The following CORO2B variants were observed in gnomAD, a reference collection of about 807,000 sequenced individuals.
The protein encoded by CORO2B is coronin 2B, also known as coronin-2B.
In CORO2B, 26 loss-of-function variants were observed where a neutral mutation model predicts 58.8. The observed-to-expected ratio is 0.44, with a 90% CI of 0.32 to 0.61. The LOEUF (loss-of-function observed/expected upper bound fraction) is 0.61, where lower values mean the gene tolerates loss of function less well. CORO2B is among the 20% of genes least tolerant of loss of function. CORO2B has a pLI of 0.04. For missense variants in CORO2B, 460 were observed against 645.1 expected (o/e 0.71, Z 3.11); for synonymous variants, 242 against 253.8 (o/e 0.95, Z 0.44).
intron 2 of CORO2B, among the ~76,000 whole-genome samples, chr15:68,693,220 G>A (rs1377772541): frequency 6.6e-6 from 1 of 152,068 alleles, no homozygotes; most frequent in Non-Finnish European, 1.5e-5. Flanking sequence ...TCCTGCCATG[G>A]CTCTGTTGCA....
intron 8 of CORO2B, among the ~76,000 whole-genome samples, chr15:68,716,167 C>G (rs1327000030): frequency 6.6e-6 from 1 of 152,246 alleles, no homozygotes; most frequent in Non-Finnish European, 1.5e-5. Flanking sequence ...ATCAACTTTA[C>G]TCTTCCCCAA....
intron 2 of CORO2B, among the ~76,000 whole-genome samples, chr15:68,684,487 TAC>T (rs2140304912): frequency 6.6e-6 from 1 of 152,362 alleles, no homozygotes; most frequent in African/African-American, 2.4e-5. Context: ...GTATGGCACG[TAC>T]ATATGTGTGT....
intron 1 of CORO2B, among the ~76,000 whole-genome samples, chr15:68,587,442 C>T (rs945966900): frequency 1.3e-5 from 2 of 152,138 alleles, no homozygotes; most frequent in African/African-American, 4.8e-5. Context: ...TATTTAACTC[C>T]GGAGATGTCT....
chr15:68,582,996 A>T (rs1899467352), intron 1 of CORO2B, among the ~76,000 whole-genome samples: 1 of 152,180 alleles, frequency 6.6e-6, no homozygotes, highest in African/African-American at 2.4e-5. Context: ...GTGGGAAAAG[A>T]GAAGACCTTT....
chr15:68,618,406 A>G (rs2140250024), intron 1 of CORO2B, among the ~76,000 whole-genome samples: 1 of 152,388 alleles, frequency 6.6e-6, no homozygotes. Flanking sequence ...GGAAAATCAC[A>G]GAAGGCTCCC....
chr15:68,599,328 C>A (rs1899916374), intron 1 of CORO2B, among the ~76,000 whole-genome samples: 1 of 152,220 alleles, frequency 6.6e-6, no homozygotes, highest in African/African-American at 2.4e-5. Context: ...AGCCCCATGC[C>A]CTGAGTGGGA....
chr15:68,655,955 C>T (rs138088647), intron 2 of CORO2B, among the ~76,000 whole-genome samples: 2 of 152,262 alleles, frequency 1.3e-5, no homozygotes, highest in East Asian at 3.9e-4. Context: ...TGGCTTGAAA[C>T]AGAGCATCTC....
At chr15:68,697,342 CTGTA>C (rs1892539421) in intron 3 of CORO2B, among the ~76,000 whole-genome samples, 1 of 152,120 alleles carries the variant, frequency 6.6e-6, no homozygotes, top group South Asian at 2.1e-4. Context: ...AAATAGATGA[CTGTA>C]TGACAGGTGG....
chr15:68,553,940 C>A, the CORO2B span, among the ~76,000 whole-genome samples: 1 of 152,210 alleles, frequency 6.6e-6, no homozygotes, highest in Non-Finnish European at 1.5e-5. Flanking sequence ...CTGAACCAAT[C>A]TAACTGCAAT....
chr15:68,718,888 G>A (rs1448003732), intron 9 of CORO2B, 78 bp downstream of exon 9: 1 of 1,271,898 alleles, frequency 7.9e-7, no homozygotes. Flanking sequence ...CATGACCCTG[G>A]AGAAACCCAG....
At chr15:68,576,428 C>T (rs1331777364), upstream of CORO2B, among the ~76,000 whole-genome samples, 2 of 152,172 alleles carry the variant, frequency 1.3e-5, no homozygotes, top group Non-Finnish European at 2.9e-5. Flanking sequence ...TTGGCTCAAG[C>T]TGCTATTAAG....
chr15:68,553,217 C>A, the CORO2B span, among the ~76,000 whole-genome samples: 2 of 152,220 alleles, frequency 1.3e-5, no homozygotes, highest in African/African-American at 4.8e-5. Flanking sequence ...CTGAATGATG[C>A]TCTCAGCAAA....
Position 68,715,264 on chromosome 15 carries a change from T to C in CORO2B, c.920T>C (p.Leu307Pro). 1 of 1,614,032 alleles carries C rather than the reference T, an allele frequency of 6.2e-7. No homozygotes were observed. The highest frequency in any genetic ancestry group is 8.5e-7 in the Non-Finnish European group (1 of 1,179,986). ...GAGATCAGCACTGAGAAGCCCTACC[T>C]GAGTTACCTCATGGAGTTCCGCTCC... Reference protein sequence around the residue: ...YYEISTEKPYLSYLMEFRSPA... With the variant: ...YYEISTEKPYPSYLMEFRSPA... The change falls in exon 8 of 12, where the codon CTG becomes CCG. Residue 307 changes from leucine (L) to proline (P), a missense_variant. Around this residue, in one of 2 missense-constraint regions of CORO2B, gnomAD observed 352 missense variants for 543.0 expected, o/e 0.65. Transcript: ENST00000261861.
chr15:68,719,465 AT>A lies in CORO2B; in HGVS notation c.1227del (p.Phe409LeufsTer16). 3 of 1,614,196 alleles carry A rather than the reference AT, an allele frequency of 1.9e-6. No homozygotes were observed. The highest frequency in any genetic ancestry group is 2.5e-6 in the Non-Finnish European group (3 of 1,180,012). ...EGYKKSSKMVFKAPIKEKKSV... is the reference protein window; with the variant it reads ...EGYKKSSKMVXKAPIKEKKSV... Reference sequence around the variant, plus strand: ...GCTATAAGAAGTCCTCAAAAATGGTATTTAAGGCTCCCATCAAAGAAAAGAA... The same window carrying A: ...GCTATAAGAAGTCCTCAAAAATGGTATTAAGGCTCCCATCAAAGAAAAGAA... On this transcript the variant is annotated frameshift_variant, in exon 11 of 12. Transcript: ENST00000261861. LOFTEE classifies it high-confidence loss of function.
the CORO2B span, among the ~76,000 whole-genome samples, chr15:68,539,814 A>T: frequency 6.6e-6 from 1 of 152,262 alleles, no homozygotes; most frequent in Non-Finnish European, 1.5e-5. Context: ...AACAAACAAA[A>T]GTAATAGAAT....
chr15:68,604,243 AG>A (rs2140241115), intron 1 of CORO2B, among the ~76,000 whole-genome samples: 1 of 152,154 alleles, frequency 6.6e-6, no homozygotes, highest in East Asian at 1.9e-4. Flanking sequence ...CATTGCTCAG[AG>A]TTTTTGGGAC....
At chr15:68,663,644 CACAG>C (rs1327016721) in intron 2 of CORO2B, among the ~76,000 whole-genome samples, 1 of 152,022 alleles carries the variant, frequency 6.6e-6, no homozygotes, top group Non-Finnish European at 1.5e-5. Context: ...AAAGGCAAGC[CACAG>C]ACAGAGGAGC....
intron 2 of CORO2B, among the ~76,000 whole-genome samples, chr15:68,686,913 G>T (rs9672329): frequency 2.6e-4 from 39 of 150,678 alleles, no homozygotes; most frequent in Admixed American, 2.5e-3. Context: ...AAAAAAAAAA[G>T]AAAATAAAAA....
intron 2 of CORO2B, among the ~76,000 whole-genome samples, chr15:68,647,941 T>C (rs1349230041): frequency 6.7e-6 from 1 of 148,824 alleles, no homozygotes; most frequent in Admixed American, 6.7e-5. Context: ...GGTGGGAGCA[T>C]TGCTTGAACC....
Sources: allele counts gnomAD v4.1 joint callset (sites outside exome capture counted in the v4.1 genomes callset), GRCh38; gene constraint gnomAD v4.1.1; regional missense constraint gnomAD v4.1.1; transcripts MANE v1.5; gene names NCBI Gene and HGNC (gene_info 2026-07-23, HGNC 2026-07-21).